The following PRKCE variants were observed in gnomAD, a reference collection of about 807,000 sequenced individuals.
PRKCE encodes the protein protein kinase C epsilon type.
In PRKCE, 16 loss-of-function variants were observed where a neutral mutation model predicts 85.4. That is an observed-to-expected ratio of 0.19 (90% CI 0.13 to 0.28). The LOEUF is 0.28. Ranked by LOEUF, PRKCE falls within the 10% of genes least tolerant of loss-of-function variation. The pLI, the probability that PRKCE is intolerant of heterozygous loss-of-function variation, is 1.00. For missense variants in PRKCE, 573 were observed against 975.2 expected (o/e 0.59, Z 5.49); for synonymous variants, 388 against 371.5 (o/e 1.04, Z -0.51).
chr2:45,722,895 G>A (rs1486912593), intron 1 of PRKCE, among the ~76,000 whole-genome samples: 2 of 152,206 alleles, frequency 1.3e-5, no homozygotes, highest in African/African-American at 4.8e-5. Context: ...GAGGTCAGGA[G>A]TTTGAGACCA....
intron 10 of PRKCE, among the ~76,000 whole-genome samples, chr2:46,033,684 A>T (rs373641153): frequency 6.6e-6 from 1 of 152,330 alleles, no homozygotes; most frequent in South Asian, 2.1e-4. Context: ...TTTGAAAAAG[A>T]TCTGTAAGCT....
intron 2 of PRKCE, among the ~76,000 whole-genome samples, chr2:45,952,064 G>A (rs748587902): frequency 2.0e-5 from 3 of 152,128 alleles, no homozygotes; most frequent in Non-Finnish European, 4.4e-5. Context: ...AACTCCTGGC[G>A]TCAAGTGATC....
intron 11 of PRKCE, among the ~76,000 whole-genome samples, chr2:46,090,667 C>A (rs184135550): frequency 1.3e-5 from 2 of 152,140 alleles, no homozygotes; most frequent in African/African-American, 4.8e-5. Flanking sequence ...AGAAAACACC[C>A]CATTTCCTCT....
intron 1 of PRKCE, among the ~76,000 whole-genome samples, chr2:45,714,855 T>C (rs1030617348): frequency 6.6e-5 from 10 of 152,244 alleles, no homozygotes; most frequent in Admixed American, 5.2e-4. Flanking sequence ...ACCTGAGGCA[T>C]TGGCCACTGG....
At chr2:45,704,189 G>C (rs1678918826) in intron 1 of PRKCE, among the ~76,000 whole-genome samples, 2 of 152,178 alleles carry the variant, frequency 1.3e-5, no homozygotes. Flanking sequence ...ATTGTTTTTA[G>C]GATTAAACAC....
rs146774630 is a variant in PRKCE, at chr2:46,100,856, T to TTTCTCTTCTC, written c.1592+14512_1592+14521dup. Among the ~76,000 whole-genome samples, 464 of 151,496 alleles carry TTTCTCTTCTC rather than the reference T, an allele frequency of 3.1e-3. 1 individual carries two copies. Among genetic ancestry groups the TTTCTCTTCTC allele is most frequent in the African/African-American group, 0.011 (444 of 41,162 alleles). On this transcript the variant is annotated intron_variant, in intron 11 of 14. Transcript: ENST00000306156. ...GAATCTTCCTTCTTTCCTTTTCTTTTTTCTCTTCTCTTCTCTTCTCTTCTC... is the reference window on the plus strand; with the variant it reads ...GAATCTTCCTTCTTTCCTTTTCTTTTTTCTCTTCTCTTCTCTTCTCTTCTCTTCTCTTCTC...
At chr2:45,714,703 G>C (rs1221506505) in intron 1 of PRKCE, among the ~76,000 whole-genome samples, 1 of 152,186 alleles carries the variant, frequency 6.6e-6, no homozygotes, top group Admixed American at 6.5e-5. Context: ...CGTGTGCTGA[G>C]GGGAATGGGG....
intron 10 of PRKCE, among the ~76,000 whole-genome samples, chr2:46,050,670 G>A (rs1708797915): frequency 6.6e-6 from 1 of 152,180 alleles, no homozygotes; most frequent in East Asian, 1.9e-4. Context: ...TAAAGGTAAA[G>A]GTATCTGGGA....
At chr2:45,661,917 T>A (rs1041771254) in intron 1 of PRKCE, among the ~76,000 whole-genome samples, 3 of 152,240 alleles carry the variant, frequency 2.0e-5, no homozygotes, top group African/African-American at 7.2e-5. Flanking sequence ...ATTTTGCTTA[T>A]GTCCTTTTTG....
In PRKCE at chr2:45,693,350, G is replaced by A. The variant is rs187175088; in HGVS notation, c.348+40902G>A. Among the ~76,000 whole-genome samples the A allele has an allele frequency of 4.7e-5, 7 of 150,366 alleles. No homozygotes were observed. In the East Asian group the frequency reaches 5.9e-4, roughly 13 times the overall value. ...ATGCCCAGCACCAAGTGAGAAACTC[G>A]AGATTAGCATTCTGGAAGAGAGGCC... On this transcript the variant is annotated intron_variant, in intron 1 of 14. Transcript: ENST00000306156.
intron 2 of PRKCE, among the ~76,000 whole-genome samples, chr2:45,916,714 C>T (rs867821633): frequency 1.3e-5 from 2 of 152,102 alleles, no homozygotes; most frequent in Non-Finnish European, 2.9e-5. Context: ...CAATAAAGCC[C>T]GATTACAGAG....
chr2:45,836,306 C>A (rs978485487), intron 1 of PRKCE, among the ~76,000 whole-genome samples: 1 of 152,196 alleles, frequency 6.6e-6, no homozygotes, highest in Admixed American at 6.5e-5. Context: ...ATTATAAGCC[C>A]ATTAACAGAA....
At chr2:45,938,190 T>G (rs532588279) in intron 2 of PRKCE, among the ~76,000 whole-genome samples, 1 of 151,958 alleles carries the variant, frequency 6.6e-6, no homozygotes, top group Non-Finnish European at 1.5e-5. Flanking sequence ...GCAGGGCTGA[T>G]GGGGGTGGTA....
At chr2:46,000,186 G>T (rs2595219) in intron 6 of PRKCE, among the ~76,000 whole-genome samples, 3 of 150,226 alleles carry the variant, frequency 2.0e-5, no homozygotes, top group African/African-American at 7.3e-5. Flanking sequence ...ATGCCTTACA[G>T]TTTTTTCTTG....
chr2:46,027,525 A>T (rs1203544745), intron 10 of PRKCE, among the ~76,000 whole-genome samples: 2 of 152,200 alleles, frequency 1.3e-5, no homozygotes, highest in Admixed American at 1.3e-4. Context: ...TTTAAAATGC[A>T]TATGCATATT....
intron 6 of PRKCE, among the ~76,000 whole-genome samples, chr2:45,996,926 G>T (rs1019591896): frequency 1.3e-5 from 2 of 152,086 alleles, no homozygotes; most frequent in Non-Finnish European, 2.9e-5. Context: ...TAAGTGTTTG[G>T]CAGAATTCAC....
In PRKCE at chr2:45,945,182, A is replaced by G. The variant is rs543321544; in HGVS notation, c.413-31247A>G. Among the ~76,000 whole-genome samples the G allele has an allele frequency of 7.2e-5, 11 of 152,322 alleles. No homozygotes were observed. The East Asian group carries it at 1.7e-3, about 24-fold the overall frequency. ...TGTGTGAGTCCATTCTTGCCTTGCT[A>G]TAAAGGAATTATTGAGGCCGGGTAA... is the stretch of plus-strand genomic sequence containing the variant. On this transcript the variant is annotated intron_variant, in intron 2 of 14. Coordinates refer to ENST00000306156, the MANE Select transcript of PRKCE (RefSeq NM_005400.3).
intron 1 of PRKCE, among the ~76,000 whole-genome samples, chr2:45,764,570 G>A (rs1250805459): frequency 6.6e-6 from 1 of 152,218 alleles, no homozygotes; most frequent in African/African-American, 2.4e-5. Flanking sequence ...AAACCAGACA[G>A]GGCAATTCAG....
rs549794219 is a variant in PRKCE at position 45,984,238 on chromosome 2, T to C, written c.694-313T>C. On this transcript the variant is annotated intron_variant, in intron 5 of 14. Coordinates refer to ENST00000306156, the MANE Select transcript of PRKCE (RefSeq NM_005400.3). ...CAGATATGATCCACTGCACCCGGCC[T>C]GAGGTACACATTGAGGACACTGTAC... Among the ~76,000 whole-genome samples, 3 of 152,208 alleles carry C rather than the reference T, an allele frequency of 2.0e-5. No individual in the cohort carries two copies. The East Asian group carries it at 5.8e-4, about 29-fold the overall frequency.
Sources: allele counts gnomAD v4.1 joint callset (sites outside exome capture counted in the v4.1 genomes callset), GRCh38; gene constraint gnomAD v4.1.1; transcripts MANE v1.5; gene names NCBI Gene and HGNC (gene_info 2026-07-23, HGNC 2026-07-21).